SMARCC2: variants seen among roughly 807,000 people sequenced by gnomAD.
The protein encoded by SMARCC2 is SWI/SNF related BAF chromatin remodeling complex subunit C2, also known as SWI/SNF complex subunit SMARCC2.
In SMARCC2, 15 loss-of-function variants were observed where a neutral mutation model predicts 151.3. That is an observed-to-expected ratio of 0.10 (90% CI 0.07 to 0.15). The LOEUF (loss-of-function observed/expected upper bound fraction) is 0.15, where lower values mean the gene tolerates loss of function less well. SMARCC2 is among the 10% of genes least tolerant of loss of function. The pLI, the probability that SMARCC2 is intolerant of heterozygous loss-of-function variation, is 1.00. For missense variants in SMARCC2, 1,031 were observed against 1,599.7 expected (o/e 0.64, Z 6.06); for synonymous variants, 590 against 609.5 (o/e 0.97, Z 0.47).
chr12:56,173,171 T>TA, intron 17 of SMARCC2, 142 bp from the exon 18 acceptor site: 1 of 670,508 alleles, frequency 1.5e-6, no homozygotes, highest in Non-Finnish European at 2.6e-6. Flanking sequence ...TCATGATTAA[T>TA]AAGACATGTC....
chr12:56,189,478 C>G lies in SMARCC2; in HGVS notation c.-17G>C. 1 of 1,417,418 alleles carries G rather than the reference C, an allele frequency of 7.1e-7. No homozygotes were observed. Among genetic ancestry groups the G allele is most frequent in the Non-Finnish European group, 9.5e-7 (1 of 1,056,138 alleles). The allele number at this position is 1,417,418 out of a possible 1,614,324, so 87.8% of individuals were successfully genotyped here. On this transcript the variant is annotated 5_prime_UTR_variant, in exon 1 of 29. Transcript: ENST00000550164. ...CACCGCCATCTTCTCCGGCTCGGGCCCCGCCGCCGCCCGCCCCACTCAGCT... is the reference window on the plus strand; with the variant it reads ...CACCGCCATCTTCTCCGGCTCGGGCGCCGCCGCCGCCCGCCCCACTCAGCT...
rs1452171887 is a variant in SMARCC2, at chr12:56,183,946, G to C, written c.563-16C>G. 1 of 1,578,388 alleles carries C rather than the reference G, an allele frequency of 6.3e-7. No homozygotes were observed. The highest frequency in any genetic ancestry group is 8.7e-7 in the Non-Finnish European group (1 of 1,148,736). On this transcript the variant is annotated splice_polypyrimidine_tract_variant and intron_variant, in intron 6 of 28. Coordinates refer to ENST00000550164, the MANE Select transcript of SMARCC2 (RefSeq NM_001330288.2). Reference sequence around the variant, plus strand: ...ACCCATTCCTCTGGGGATAGAGGAAGAGAAGGGAGAGATATAAGCTAAAGG... The same window carrying C: ...ACCCATTCCTCTGGGGATAGAGGAACAGAAGGGAGAGATATAAGCTAAAGG...
chr12:56,163,887 C>T (rs1712044414), intron 28 of SMARCC2, 122 bp from the exon 29 acceptor site: 8 of 594,566 alleles, frequency 1.3e-5, no homozygotes, highest in Middle Eastern at 2.6e-4. Context: ...AATGAGGTAC[C>T]CATAATGTTC....
At chr12:56,178,896 G>A in intron 12 of SMARCC2, 49 bp from the exon 13 acceptor site, 1 of 1,606,864 alleles carries the variant, frequency 6.2e-7, no homozygotes, top group Non-Finnish European at 8.5e-7. Flanking sequence ...TGAGGGGCAA[G>A]AAAGCCCTAC....
At chr12:56,172,230 GC>G (rs1874085095) in intron 20 of SMARCC2, 197 bp downstream of exon 20, 2 of 553,456 alleles carry the variant, frequency 3.6e-6, no homozygotes, top group African/African-American at 3.8e-5. Flanking sequence ...ACAGGTGTGT[GC>G]CACCACACCT....
rs774519778 is a variant in SMARCC2 at position 56,182,055 on chromosome 12, A to G, written c.657T>C (p.Ser219=). ...CATCTTCCACAGATGCCTCAATTTC[A>G]CTCGCTGGGATCCACGTGTCGTAAC... ...PDSYDTWIPA[S]EIEASVEDAP... Residue 219 remains serine, a synonymous_variant, in exon 8 of 29, where the codon AGT becomes AGC. Coordinates refer to ENST00000550164, the MANE Select transcript of SMARCC2 (RefSeq NM_001330288.2). 4 of 1,612,942 alleles carry G rather than the reference A, an allele frequency of 2.5e-6. No homozygotes were observed. The African/African-American group carries it at 4.0e-5, about 16-fold the overall frequency.
rs1877446199 is a variant in SMARCC2, at chr12:56,187,322, G to A, written c.112-16C>T. 1 of 1,605,022 alleles carries A rather than the reference G, an allele frequency of 6.2e-7. No homozygotes were observed. Among genetic ancestry groups the A allele is most frequent in the Admixed American group, 1.7e-5 (1 of 59,098 alleles). ...CTTGTATATACTAAGGAAAAAGAGG[G>A]AAAGGAAAGAAAAATAGATCTCAGA... On this transcript the variant is annotated splice_polypyrimidine_tract_variant and intron_variant, in intron 1 of 28. Transcript: ENST00000550164.
At chr12:56,183,696 A>G in intron 7 of SMARCC2, 165 bp downstream of exon 7, 2 of 533,944 alleles carry the variant, frequency 3.7e-6, no homozygotes, top group Non-Finnish European at 6.8e-6. Context: ...TTGTCCACTA[A>G]GTCCAAACCT....
In SMARCC2 at chr12:56,168,168, C is replaced by T; in HGVS notation, c.2742G>A (p.Lys914=). 1 of 1,614,134 alleles carries T rather than the reference C, an allele frequency of 6.2e-7. No individual in the cohort carries two copies. Among genetic ancestry groups the T allele is most frequent in the South Asian group, 1.1e-5 (1 of 91,074 alleles). The change falls in exon 26 of 29, where the codon AAG becomes AAA. Residue 914 remains lysine (K), a synonymous_variant. Coordinates refer to ENST00000550164, the MANE Select transcript of SMARCC2 (RefSeq NM_001330288.2). ...CCAGCAGGGCCACCAAAGATTTGAT[C>T]TTCCTTTCCTCAACAGCAGCCAAGT... ...AKHLAAVEER[K]IKSLVALLVE... is the part of the protein sequence containing the mutation.
chr12:56,164,284 CCT>C lies in SMARCC2; in HGVS notation c.3661+17_3661+18del. Reference sequence around the variant, plus strand: ...GGACCCCTCTCCCTCACCCTTCTCCCCTCTTGGCCCCTTCTCACCTGGCAGTG... The same window carrying C: ...GGACCCCTCTCCCTCACCCTTCTCCCCTTGGCCCCTTCTCACCTGGCAGTG... On this transcript the variant is annotated intron_variant, in intron 28 of 28. Transcript: ENST00000550164. 1 of 1,609,766 alleles carries C rather than the reference CCT, an allele frequency of 6.2e-7. No individual in the cohort carries two copies. The highest frequency in any genetic ancestry group is 1.3e-5 in the African/African-American group (1 of 74,998).
intron 3 of SMARCC2, 107 bp from the exon 4 acceptor site, chr12:56,185,218 AC>A: frequency 1.1e-6 from 1 of 869,734 alleles, no homozygotes; most frequent in African/African-American, 1.7e-5. Context: ...TTGCTCTGTC[AC>A]CTAGGCTGGA....
Position 56,185,110 on chromosome 12 carries a change from G to A in SMARCC2, c.319C>T (p.Arg107Trp). The change falls in exon 4 of 29, where the codon CGG becomes TGG. Residue 107 changes from arginine (R) to tryptophan (W), a missense_variant and splice_region_variant. By Grantham distance (101) the Arg-to-Trp change is moderately radical. Coordinates refer to ENST00000550164, the MANE Select transcript of SMARCC2 (RefSeq NM_001330288.2). ...AYKFKSDQGW[R>W]RYDFQNPSRM... is the part of the protein sequence containing the mutation. ...GATGGATTCTGGAAATCGTAACGCC[G>A]CCTTGTGAAGAGGCAATAATCTAGT... 1.9e-6 allele frequency: 3 copies of A among 1,613,250 alleles called. No homozygotes were observed. Among genetic ancestry groups the A allele is most frequent in the South Asian group, 1.1e-5 (1 of 91,014 alleles).
rs1474452803 is a variant in SMARCC2 at position 56,165,665 on chromosome 12, C to T, written c.2885G>A (p.Arg962Lys). 6.2e-7 allele frequency: 1 copy of T among 1,612,410 alleles called. No homozygotes were observed. Among genetic ancestry groups the T allele is most frequent in the Non-Finnish European group, 8.5e-7 (1 of 1,180,032 alleles). ...EYQRQQLLAD[R>K]QAFHMEQLKY... Reference sequence around the variant, plus strand: ...CAGCTGCTCCATGTGGAAGGCTTGTCTGTCGGCCAGGAGCTGCTGCCTCTG... The same window carrying T: ...CAGCTGCTCCATGTGGAAGGCTTGTTTGTCGGCCAGGAGCTGCTGCCTCTG... Residue 962 changes from arginine (R) to lysine (K), a missense_variant, in exon 27 of 29, where the codon AGA (arginine) becomes AAA (lysine). Physicochemically the swap from Arg to Lys is conservative, Grantham distance 26. Around this residue, in one of 12 missense-constraint regions of SMARCC2, gnomAD observed 49 missense variants for 134.8 expected, o/e 0.36. Transcript: ENST00000550164.
chr12:56,170,799 C>T (rs1873807678), intron 22 of SMARCC2, among the ~76,000 whole-genome samples: 1 of 135,804 alleles, frequency 7.4e-6, no homozygotes, highest in South Asian at 2.4e-4. Flanking sequence ...GTGGCTTGAT[C>T]TTGGCTCACT....
chr12:56,163,793 T>TAA (rs745809704), intron 28 of SMARCC2, 28 bp from the exon 29 acceptor site: 1 of 1,453,474 alleles, frequency 6.9e-7, no homozygotes, highest in Admixed American at 2.8e-5. Flanking sequence ...ATAAATCAGT[T>TAA]AGAGTACGCC....
At chr12:56,177,986 AG>A in intron 15 of SMARCC2, 35 bp downstream of exon 15, 1 of 1,393,380 alleles carries the variant, frequency 7.2e-7, no homozygotes, top group Non-Finnish European at 1.0e-6. Context: ...TGGGGACAGG[AG>A]GGAGAAGGAG....
rs532980250 is a variant in SMARCC2 at position 56,165,904 on chromosome 12, C to T, written c.2851-205G>A. Among the ~76,000 whole-genome samples the T allele has an allele frequency of 2.6e-5, 4 of 152,318 alleles. No homozygotes were observed. In the East Asian group the frequency reaches 7.7e-4, roughly 29 times the overall value. The stretch of plus-strand genomic sequence containing the variant: ...GACCTTTATGTCTCCTGAGTGCCCA[C>T]ATGGTTTCTTATTGCAATGACTTTA... On this transcript the variant is annotated intron_variant, in intron 26 of 28. Coordinates refer to ENST00000550164, the MANE Select transcript of SMARCC2 (RefSeq NM_001330288.2).
chr12:56,169,583 G>A lies in SMARCC2; in HGVS notation c.2661C>T (p.Gly887=). The change falls in exon 25 of 29, where the codon GGC becomes GGT. Residue 887 remains glycine (G), a synonymous_variant. Transcript: ENST00000550164. ...CGGCGGCAGCAGCGGTGGAGAGGTTGCCCTCGCCAATGTCCCGCTCCACCT... is the reference window on the plus strand; with the variant it reads ...CGGCGGCAGCAGCGGTGGAGAGGTTACCCTCGCCAATGTCCCGCTCCACCT... ...KTKVERDIGE[G]NLSTAAAAAL... The A allele has an allele frequency of 6.2e-7, 1 of 1,614,114 alleles. No individual in the cohort carries two copies. The highest frequency in any genetic ancestry group is 8.5e-7 in the Non-Finnish European group (1 of 1,179,994).
intron 13 of SMARCC2, 106 bp downstream of exon 13, chr12:56,178,704 T>C (rs1875512435): frequency 5.5e-6 from 8 of 1,455,200 alleles, no homozygotes; most frequent in African/African-American, 1.4e-5. Flanking sequence ...CTGGAATTAG[T>C]CTACAGTGGG....
Sources: gnomAD v4.1 joint callset for allele counts (sites outside exome capture counted in the v4.1 genomes callset) on GRCh38, gnomAD v4.1.1 for gene constraint, gnomAD v4.1.1 regional missense constraint, MANE v1.5 for transcripts, NCBI Gene and HGNC (gene_info 2026-07-23, HGNC 2026-07-21) for gene names.